The following GPC5 variants were observed in gnomAD, a reference collection of about 807,000 sequenced individuals.
GPC5 encodes the protein glypican-5.
GPC5 carries 47 observed loss-of-function variants against 53.9 expected under a neutral mutation model. The observed-to-expected ratio is 0.87, with a 90% CI of 0.69 to 1.11. GPC5 has a LOEUF of 1.11. GPC5 is among the 50% of genes most tolerant of loss of function. The probability of loss-of-function intolerance (pLI) is 0.00; values close to 1 mark genes in which losing one functional copy is unlikely to be tolerated. For synonymous variants in GPC5, 286 were observed against 263.3 expected (o/e 1.09, Z -0.84); for missense variants, 748 against 713.1 (o/e 1.05, Z -0.56).
intron 7 of GPC5, among the ~76,000 whole-genome samples, chr13:92,494,476 T>C (rs941021660): frequency 1.3e-5 from 2 of 152,202 alleles, no homozygotes; most frequent in Non-Finnish European, 2.9e-5. Flanking sequence ...AAACGTGCTT[T>C]GCTATTATTC....
intron 7 of GPC5, among the ~76,000 whole-genome samples, chr13:92,625,618 A>G (rs906472469): frequency 6.6e-6 from 1 of 152,176 alleles, no homozygotes; most frequent in African/African-American, 2.4e-5. Context: ...TACTCAACTA[A>G]CGAAGACCTT....
intron 6 of GPC5, among the ~76,000 whole-genome samples, chr13:91,936,645 T>G (rs532239800): frequency 9.9e-5 from 15 of 152,198 alleles, no homozygotes; most frequent in African/African-American, 3.6e-4. Context: ...TTAGAGAGAA[T>G]AGGAAACAAA....
intron 2 of GPC5, among the ~76,000 whole-genome samples, chr13:91,481,276 T>G (rs1317386715): frequency 6.6e-6 from 1 of 152,210 alleles, no homozygotes. Flanking sequence ...CAAGAAATAT[T>G]AGTTCAAATT....
rs181033196 is a variant in GPC5 at position 92,142,499 on chromosome 13, G to A, written c.1402-2331G>A. Among the ~76,000 whole-genome samples the A allele has an allele frequency of 1.5e-4, 23 of 152,062 alleles. 1 individual carries two copies. In the East Asian group the frequency reaches 3.9e-3, roughly 26 times the overall value. ...TTTCCTAGAATGTCACTGAAGTGAT[G>A]GAGGAAAAAAATGGAGAAAACAGAA... On this transcript the variant is annotated intron_variant, in intron 6 of 7. Coordinates refer to ENST00000377067, the MANE Select transcript of GPC5 (RefSeq NM_004466.6).
chr13:91,975,589 T>C (rs900690359), intron 6 of GPC5, among the ~76,000 whole-genome samples: 9 of 152,152 alleles, frequency 5.9e-5, no homozygotes, highest in Non-Finnish European at 1.2e-4. Flanking sequence ...TCACACCAGT[T>C]AGAAAGGTGA....
chr13:92,761,381 A>G (rs1875168850), intron 7 of GPC5, among the ~76,000 whole-genome samples: 1 of 152,206 alleles, frequency 6.6e-6, no homozygotes, highest in African/African-American at 2.4e-5. Flanking sequence ...TTGGATGTAT[A>G]TATATTTATA....
chr13:92,792,942 T>G (rs937700795), intron 7 of GPC5, among the ~76,000 whole-genome samples: 19 of 152,096 alleles, frequency 1.2e-4, no homozygotes, highest in African/African-American at 4.3e-4. Context: ...AATGGGAGAC[T>G]TTAACACAGC....
At chr13:91,952,633 A>T (rs2040037888) in intron 6 of GPC5, among the ~76,000 whole-genome samples, 1 of 152,174 alleles carries the variant, frequency 6.6e-6, no homozygotes, top group African/African-American at 2.4e-5. Flanking sequence ...TATATGCTTG[A>T]GAAGTGTAGG....
At chr13:91,462,217 A>G (rs1881979771) in intron 2 of GPC5, among the ~76,000 whole-genome samples, 2 of 152,128 alleles carry the variant, frequency 1.3e-5, no homozygotes, top group Non-Finnish European at 2.9e-5. Context: ...ATGAGAATAT[A>G]TAGAAGAGGC....
intron 6 of GPC5, among the ~76,000 whole-genome samples, chr13:92,095,397 G>A (rs572788612): frequency 6.6e-6 from 1 of 152,082 alleles, no homozygotes; most frequent in East Asian, 1.9e-4. Flanking sequence ...ATCCAGGCTG[G>A]AGTGTAGTGG....
chr13:92,579,513 A>C (rs1221570812), intron 7 of GPC5, among the ~76,000 whole-genome samples: 1 of 152,008 alleles, frequency 6.6e-6, no homozygotes, highest in East Asian at 1.9e-4. Flanking sequence ...CTTGCTGAAC[A>C]GGTGTGGGTT....
chr13:91,527,649 C>T (rs1886150958), intron 2 of GPC5, among the ~76,000 whole-genome samples: 1 of 152,254 alleles, frequency 6.6e-6, no homozygotes, highest in South Asian at 2.1e-4. Flanking sequence ...GTCTCCAACC[C>T]CACATTTCCC....
chr13:92,525,649 T>C (rs1353968456), intron 7 of GPC5, among the ~76,000 whole-genome samples: 1 of 152,020 alleles, frequency 6.6e-6, no homozygotes, highest in South Asian at 2.1e-4. Flanking sequence ...TCTAAGGGAC[T>C]ACTGCAAAAG....
At chr13:92,215,333 A>T (rs1055361294) in intron 7 of GPC5, among the ~76,000 whole-genome samples, 5 of 152,188 alleles carry the variant, frequency 3.3e-5, no homozygotes, top group African/African-American at 1.2e-4. Context: ...GTTTATTTCC[A>T]TTTAAAAATC....
At chr13:91,627,636 A>G (rs1215185107) in intron 2 of GPC5, among the ~76,000 whole-genome samples, 6 of 152,112 alleles carry the variant, frequency 3.9e-5, no homozygotes, top group Non-Finnish European at 8.8e-5. Flanking sequence ...GCCTGAAAAA[A>G]TGACACACTG....
intron 7 of GPC5, among the ~76,000 whole-genome samples, chr13:92,577,257 A>G (rs1019957232): frequency 2.0e-4 from 31 of 152,148 alleles, no homozygotes; most frequent in African/African-American, 6.8e-4. Context: ...ATAATTGACA[A>G]GACCTGCATT....
intron 7 of GPC5, among the ~76,000 whole-genome samples, chr13:92,659,719 C>A (rs1886272707): frequency 6.6e-6 from 1 of 152,116 alleles, no homozygotes; most frequent in African/African-American, 2.4e-5. Flanking sequence ...CAAACTGAAG[C>A]ATACTCTGAT....
At chr13:92,760,856 T>C (rs1875138373) in intron 7 of GPC5, among the ~76,000 whole-genome samples, 1 of 152,202 alleles carries the variant, frequency 6.6e-6, no homozygotes, top group South Asian at 2.1e-4. Context: ...ATTTCTATTA[T>C]TGTTTGTTTC....
chr13:92,619,145 C>G (rs1234982476), intron 7 of GPC5, among the ~76,000 whole-genome samples: 1 of 151,734 alleles, frequency 6.6e-6, no homozygotes, highest in Non-Finnish European at 1.5e-5. Context: ...TTGTGTTTTA[C>G]CATATCAATA....
Sources: allele counts gnomAD v4.1 joint callset (sites outside exome capture counted in the v4.1 genomes callset), GRCh38; gene constraint gnomAD v4.1.1; transcripts MANE v1.5; gene names NCBI Gene and HGNC (gene_info 2026-07-23, HGNC 2026-07-21).